The following ITPR2 variants were observed in gnomAD, a reference collection of about 807,000 sequenced individuals.
ITPR2 encodes the protein inositol 1,4,5-trisphosphate-gated calcium channel ITPR2.
Under a neutral mutation model 317.1 loss-of-function variants are expected in ITPR2, and 207 were observed. The observed-to-expected ratio is 0.65, with a 90% CI of 0.58 to 0.73. The LOEUF is 0.73. Ranked by LOEUF, ITPR2 falls within the 30% of genes least tolerant of loss-of-function variation. ITPR2 has a pLI of 0.00. For missense variants in ITPR2, 2,613 were observed against 3,284.0 expected (o/e 0.80, Z 4.99); for synonymous variants, 1,156 against 1,149.1 (o/e 1.01, Z -0.12).
At chr12:26,441,136 T>A (rs2136733101) in intron 46 of ITPR2, among the ~76,000 whole-genome samples, 1 of 152,274 alleles carries the variant, frequency 6.6e-6, no homozygotes, top group Middle Eastern at 3.4e-3. Context: ...AATGGGCTAA[T>A]GTTAACTCTT....
At chr12:26,371,901 C>G (rs1939199654) in intron 55 of ITPR2, among the ~76,000 whole-genome samples, 2 of 152,222 alleles carry the variant, frequency 1.3e-5, no homozygotes, top group South Asian at 4.2e-4. Flanking sequence ...TTTGATACTT[C>G]CTTAAAATCG....
chr12:26,708,474 T>C (rs928767027), intron 9 of ITPR2, among the ~76,000 whole-genome samples: 2 of 152,250 alleles, frequency 1.3e-5, no homozygotes, highest in Non-Finnish European at 2.9e-5. Flanking sequence ...GAGGACATTA[T>C]GTTAAGTGAA....
At chr12:26,583,785 A>T (rs1474997712) in intron 32 of ITPR2, among the ~76,000 whole-genome samples, 1 of 152,158 alleles carries the variant, frequency 6.6e-6, no homozygotes, top group Non-Finnish European at 1.5e-5. Context: ...ATGGATTTTT[A>T]AAAAATATAT....
At chr12:26,648,625 G>A in intron 21 of ITPR2, 1 of 146,324 alleles carries the variant, frequency 6.8e-6, no homozygotes, top group African/African-American at 2.5e-5. Context: ...AAAAAAAGAA[G>A]AAAATACAAT....
At chr12:26,780,292 C>A (rs1188041000) in intron 2 of ITPR2, among the ~76,000 whole-genome samples, 1 of 152,210 alleles carries the variant, frequency 6.6e-6, no homozygotes, top group Non-Finnish European at 1.5e-5. Flanking sequence ...TATACTGGAA[C>A]TCTTTCATCA....
At position 26,670,797 on chromosome 12, in the gene ITPR2, T is replaced by C. The variant is rs1413669298; in HGVS notation, c.1410-4746A>G. Reference sequence around the variant, plus strand: ...AACCAAAGGCAAAGAAGTTAAAAACTTTGAAAAAAATTTAGACGAATGTAT... The same window carrying C: ...AACCAAAGGCAAAGAAGTTAAAAACCTTGAAAAAAATTTAGACGAATGTAT... On this transcript the variant is annotated intron_variant, in intron 13 of 56. Transcript: ENST00000381340. Among the ~76,000 whole-genome samples the C allele has an allele frequency of 5.9e-5, 9 of 152,168 alleles. No individual in the cohort carries two copies. In the East Asian group the frequency reaches 1.7e-3, roughly 29 times the overall value.
intron 2 of ITPR2, among the ~76,000 whole-genome samples, chr12:26,765,319 T>G (rs1370816767): frequency 2.0e-5 from 3 of 152,112 alleles, no homozygotes; most frequent in Non-Finnish European, 4.4e-5. Flanking sequence ...TAAATGGAGA[T>G]ACAATTTTGT....
intron 55 of ITPR2, among the ~76,000 whole-genome samples, chr12:26,376,506 CATT>C (rs1939347850): frequency 6.6e-6 from 1 of 152,144 alleles, no homozygotes; most frequent in Non-Finnish European, 1.5e-5. Context: ...TACCAGATCT[CATT>C]ATTGTTGCTG....
chr12:26,584,191 G>C (rs765868621), intron 32 of ITPR2, among the ~76,000 whole-genome samples: 20 of 152,140 alleles, frequency 1.3e-4, no homozygotes, highest in Non-Finnish European at 2.5e-4. Context: ...TAGCAGGCAG[G>C]GTGGGGATGG....
chr12:26,660,657 G>T (rs1947476150), intron 15 of ITPR2, among the ~76,000 whole-genome samples: 1 of 152,130 alleles, frequency 6.6e-6, no homozygotes, highest in South Asian at 2.1e-4. Flanking sequence ...GTGTATTGGG[G>T]AGCCAGTTAA....
At chr12:26,651,710 T>G (rs1435955822) in intron 21 of ITPR2, among the ~76,000 whole-genome samples, 1 of 152,240 alleles carries the variant, frequency 6.6e-6, no homozygotes, top group Non-Finnish European at 1.5e-5. Flanking sequence ...CGATGACATT[T>G]ACACATTCAG....
chr12:26,691,350 CCCCACA>C lies in ITPR2; in HGVS notation c.996+4250_996+4255del, dbSNP rs1948236781. Among the ~76,000 whole-genome samples, 3 of 151,946 alleles carry C rather than the reference CCCCACA, an allele frequency of 2.0e-5. No homozygotes were observed. The South Asian group carries it at 6.2e-4, about 32-fold the overall frequency. On this transcript the variant is annotated intron_variant, in intron 10 of 56. Coordinates refer to ENST00000381340, the MANE Select transcript of ITPR2 (RefSeq NM_002223.4). ...GAAAAAAGACACAGAAACACTAGTT[CCCCACA>C]CCGAATCACAGAAGCGCAACGCCCT...
intron 1 of ITPR2, among the ~76,000 whole-genome samples, chr12:26,807,976 C>T (rs1298842513): frequency 2.0e-5 from 3 of 152,194 alleles, no homozygotes; most frequent in Admixed American, 2.0e-4. Context: ...TCCCATTACC[C>T]CCAGACACAG....
At chr12:26,406,952 C>A (rs1205575344) in intron 52 of ITPR2, among the ~76,000 whole-genome samples, 7 of 152,102 alleles carry the variant, frequency 4.6e-5, no homozygotes, top group African/African-American at 1.7e-4. Flanking sequence ...TAGGAATACT[C>A]CCTAATTGTG....
chr12:26,495,670 T>A (rs1942916850), intron 37 of ITPR2: 1 of 152,904 alleles, frequency 6.5e-6, no homozygotes. Flanking sequence ...TTCAATAGAA[T>A]GTACTAGAAA....
At chr12:26,393,752 C>T (rs2136639693) in intron 54 of ITPR2, among the ~76,000 whole-genome samples, 1 of 152,332 alleles carries the variant, frequency 6.6e-6, no homozygotes. Context: ...TCTCTTTGTG[C>T]ATCCTGCAAT....
intron 39 of ITPR2, among the ~76,000 whole-genome samples, chr12:26,491,528 C>T (rs531728644): frequency 1.3e-4 from 18 of 143,632 alleles, no homozygotes; most frequent in East Asian, 4.1e-4. Flanking sequence ...GAAGGCAACA[C>T]GGAGAATGAT....
At chr12:26,665,646 C>T (rs1381497394) in intron 14 of ITPR2, among the ~76,000 whole-genome samples, 1 of 152,198 alleles carries the variant, frequency 6.6e-6, no homozygotes, top group African/African-American at 2.4e-5. Flanking sequence ...AAGGCAAGTC[C>T]TCTCTCAGTT....
rs557142002 is a variant in ITPR2 at position 26,338,743 on chromosome 12, T to A, written c.*654A>T. 1 of 152,304 alleles carries A rather than the reference T, an allele frequency of 6.6e-6. No individual in the cohort carries two copies. Among genetic ancestry groups the A allele is most frequent in the South Asian group, 2.1e-4 (1 of 4,822 alleles). The allele number at this position is 152,304 out of a possible 1,614,324, so 9.4% of individuals were successfully genotyped here. ...TCCACATTGACAGAGCCTGTCTGAA[T>A]CCCAGAGAAGGCAATCACATCCTGT... On this transcript the variant is annotated 3_prime_UTR_variant, in exon 57 of 57. Coordinates refer to ENST00000381340, the MANE Select transcript of ITPR2 (RefSeq NM_002223.4).
Sources: gnomAD v4.1 joint callset for allele counts (sites outside exome capture counted in the v4.1 genomes callset) on GRCh38, gnomAD v4.1.1 for gene constraint, MANE v1.5 for transcripts, NCBI Gene and HGNC (gene_info 2026-07-23, HGNC 2026-07-21) for gene names.